CSGALNACT1: variants seen among roughly 807,000 people sequenced by gnomAD.
The protein encoded by CSGALNACT1 is beta4GalNAcT-1.
CSGALNACT1 carries 52 observed loss-of-function variants against 51.0 expected under a neutral mutation model. The ratio of observed to expected loss-of-function variants is 1.02; its 90% CI spans 0.82 to 1.29. The LOEUF is 1.29. Ranked by LOEUF, CSGALNACT1 falls within the 50% of genes most tolerant of loss-of-function variation. The pLI, the probability that CSGALNACT1 is intolerant of heterozygous loss-of-function variation, is 0.00. For synonymous variants in CSGALNACT1, 341 were observed against 254.4 expected, an observed-to-expected ratio of 1.34 and a Z score of -3.24; for missense variants, 935 against 679.2, an observed-to-expected ratio of 1.38 and a Z score of -4.19.
intron 3 of CSGALNACT1, among the ~76,000 whole-genome samples, chr8:19,530,471 C>T (rs113350386): frequency 1.4e-4 from 21 of 152,288 alleles, no homozygotes; most frequent in African/African-American, 4.6e-4. Context: ...GACTTAGTCT[C>T]TACATTTATG....
intron 1 of CSGALNACT1, among the ~76,000 whole-genome samples, chr8:19,629,438 G>A (rs141226888): frequency 6.6e-6 from 1 of 152,344 alleles, no homozygotes; most frequent in East Asian, 1.9e-4. Context: ...AGCAGGTATA[G>A]CTGTTCCCAT....
At chr8:19,518,766 G>A (rs76964667) in intron 3 of CSGALNACT1, among the ~76,000 whole-genome samples, 2,014 of 152,244 alleles carry the variant, frequency 0.013, 38 homozygotes, top group African/African-American at 0.038. Context: ...CAGCTAGGCC[G>A]TCAGCACAGG....
intron 3 of CSGALNACT1, among the ~76,000 whole-genome samples, chr8:19,537,195 TTACCTTGAGCCAATCATTTGAGGCTG>T (rs1037717875): frequency 3.3e-5 from 5 of 152,146 alleles, no homozygotes; most frequent in Non-Finnish European, 7.3e-5. Flanking sequence ...TGTTTCTTTA[TTACCTTGAGCCAATCATTTGAGGCTG>T]TAACTACACT....
intron 4 of CSGALNACT1, among the ~76,000 whole-genome samples, chr8:19,469,058 C>T (rs1319822967): frequency 6.6e-6 from 1 of 152,088 alleles, no homozygotes; most frequent in East Asian, 1.9e-4. Flanking sequence ...CTCAACAGTG[C>T]CAACCACTGC....
chr8:19,543,569 A>C (rs1191506822), intron 3 of CSGALNACT1, among the ~76,000 whole-genome samples: 2 of 152,142 alleles, frequency 1.3e-5, no homozygotes, highest in Non-Finnish European at 2.9e-5. Flanking sequence ...CTATCTTCCT[A>C]ATATGAACCC....
intron 6 of CSGALNACT1, among the ~76,000 whole-genome samples, chr8:19,430,160 T>G (rs1490127976): frequency 6.6e-6 from 1 of 152,246 alleles, no homozygotes; most frequent in Non-Finnish European, 1.5e-5. Flanking sequence ...ATATAAGCTG[T>G]CTTTTCACTT....
upstream of CSGALNACT1, among the ~76,000 whole-genome samples, chr8:19,685,770 G>A (rs763326734): frequency 1.1e-4 from 16 of 152,188 alleles, no homozygotes; most frequent in Non-Finnish European, 1.9e-4. Context: ...GGTATTTCAA[G>A]GAAGCGCATT....
intron 3 of CSGALNACT1, among the ~76,000 whole-genome samples, chr8:19,540,354 C>T (rs2084806934): frequency 2.0e-5 from 3 of 152,104 alleles, no homozygotes; most frequent in Admixed American, 1.3e-4. Flanking sequence ...TTACCTGGGT[C>T]GGGATTATAA....
At chr8:19,447,378 A>G (rs191039730) in intron 5 of CSGALNACT1, among the ~76,000 whole-genome samples, 2 of 152,288 alleles carry the variant, frequency 1.3e-5, no homozygotes, top group Middle Eastern at 3.4e-3. Flanking sequence ...GGACTGTTCA[A>G]CCTGAGTTTC....
chr8:19,641,117 T>C (rs1185765935), intron 1 of CSGALNACT1, among the ~76,000 whole-genome samples: 1 of 144,976 alleles, frequency 6.9e-6, no homozygotes, highest in Non-Finnish European at 1.5e-5. Context: ...TTACCAATAA[T>C]GGTGACTGGT....
chr8:19,505,700 C>T (rs1257387736), exon 4 of CSGALNACT1: 1 of 1,614,218 alleles, frequency 6.2e-7, no homozygotes, highest in South Asian at 1.1e-5. Flanking sequence ...TGGCCCTGGG[C>T]AGTGCCAGCT....
chr8:19,530,715 A>G (rs1473916760), intron 3 of CSGALNACT1, among the ~76,000 whole-genome samples: 1 of 152,176 alleles, frequency 6.6e-6, no homozygotes, highest in African/African-American at 2.4e-5. Flanking sequence ...TGGACAACAG[A>G]GCAAGACCTT....
intron 3 of CSGALNACT1, among the ~76,000 whole-genome samples, chr8:19,569,552 C>CT (rs1400635222): frequency 3.2e-4 from 49 of 151,874 alleles, no homozygotes; most frequent in Admixed American, 2.3e-3. Context: ...AGAGCTAGCA[C>CT]TTTTTTTTAG....
Position 19,409,652 on chromosome 8 carries a change from C to T in CSGALNACT1, c.1228-958G>A, listed in dbSNP as rs996039917. Among the ~76,000 whole-genome samples, 5 of 152,258 alleles carry T rather than the reference C, an allele frequency of 3.3e-5. No homozygotes were observed. The South Asian group carries it at 8.3e-4, about 25-fold the overall frequency. On this transcript the variant is annotated intron_variant, in intron 8 of 9. Transcript: ENST00000454498. ...ATAGGTGCTTAGGTGAAAGGACACC[C>T]CCACATCCTGTCCTCTGGGGAAAGG...
intron 1 of CSGALNACT1, among the ~76,000 whole-genome samples, chr8:19,691,279 C>G (rs761080888): frequency 1.3e-5 from 2 of 152,136 alleles, no homozygotes; most frequent in Non-Finnish European, 2.9e-5. Flanking sequence ...TAAATTTCAG[C>G]CAACGATGCA....
chr8:19,646,332 G>A (rs1340534683), intron 1 of CSGALNACT1, among the ~76,000 whole-genome samples: 1 of 152,200 alleles, frequency 6.6e-6, no homozygotes, highest in Non-Finnish European at 1.5e-5. Context: ...AAGATCCTGT[G>A]TGATTTTGCT....
At chr8:19,530,305 TACACATACACACACAC>T (rs1396249719) in intron 3 of CSGALNACT1, among the ~76,000 whole-genome samples, 14 of 149,184 alleles carry the variant, frequency 9.4e-5, no homozygotes, top group South Asian at 2.2e-4. Context: ...CATGAATGTG[TACACATACACACACAC>T]ACACACACAC....
At chr8:19,408,791 A>G (rs1297423027) in intron 8 of CSGALNACT1, 97 bp from the exon 8 acceptor site, 10 of 1,037,224 alleles carry the variant, frequency 9.6e-6, no homozygotes, top group Non-Finnish European at 1.5e-5. Flanking sequence ...TGTGGAGCCC[A>G]TCCCATCACT....
intron 1 of CSGALNACT1, among the ~76,000 whole-genome samples, chr8:19,629,945 G>C (rs1203336616): frequency 5.1e-4 from 77 of 152,300 alleles, no homozygotes; most frequent in Non-Finnish European, 1.8e-4. Context: ...GCCAGGCATA[G>C]AATCAAAGTT....
Sources: allele counts gnomAD v4.1 joint callset (sites outside exome capture counted in the v4.1 genomes callset), GRCh38; gene constraint gnomAD v4.1.1; transcripts MANE v1.5; gene names NCBI Gene and HGNC (gene_info 2026-07-23, HGNC 2026-07-21).